SLC16A12: variants seen among roughly 807,000 people sequenced by gnomAD.
SLC16A12 encodes the protein solute carrier family 16 member 12, also known as monocarboxylate transporter 12.
Under a neutral mutation model 42.4 loss-of-function variants are expected in SLC16A12, and 17 were observed. The observed-to-expected ratio is 0.40, with a 90% confidence interval of 0.27 to 0.60. The LOEUF is 0.60. Among genes scored for constraint, SLC16A12 ranks in the 20% least tolerant of loss-of-function variants. The pLI, the probability that SLC16A12 is intolerant of heterozygous loss-of-function variation, is 0.42. For synonymous variants in SLC16A12, 224 were observed against 229.4 expected, an observed-to-expected ratio of 0.98 and a Z score of 0.21; for missense variants, 544 against 623.0, an observed-to-expected ratio of 0.87 and a Z score of 1.35.
At chr10:89,554,065 AAAG>A (rs1843788814) in intron 2 of SLC16A12, among the ~76,000 whole-genome samples, 1 of 104,244 alleles carries the variant, frequency 9.6e-6, no homozygotes, top group Non-Finnish European at 2.0e-5. Context: ...AGAAAGAAAG[AAAG>A]AAAGAAAGAA....
At chr10:89,537,028 G>C (rs1418943460), upstream of SLC16A12, among the ~76,000 whole-genome samples, 1 of 151,778 alleles carries the variant, frequency 6.6e-6, no homozygotes, top group Non-Finnish European at 1.5e-5. Context: ...TGGTAGAGAC[G>C]GGATTTCACC....
At chr10:89,502,405 G>A (rs140419314) in intron 2 of SLC16A12, among the ~76,000 whole-genome samples, 110 of 151,982 alleles carry the variant, frequency 7.2e-4, no homozygotes, top group African/African-American at 2.4e-3. Flanking sequence ...AGCCAAGATC[G>A]TGCCATTGCA....
upstream of SLC16A12, among the ~76,000 whole-genome samples, chr10:89,538,115 A>G (rs1843692380): frequency 6.6e-6 from 1 of 152,254 alleles, no homozygotes; most frequent in Non-Finnish European, 1.5e-5. Flanking sequence ...GGAGATGCAC[A>G]AAGCAAAACA....
chr10:89,451,014 T>C (rs1157080263), intron 3 of SLC16A12, among the ~76,000 whole-genome samples: 1 of 152,180 alleles, frequency 6.6e-6, no homozygotes, highest in Non-Finnish European at 1.5e-5. Context: ...AAGCAATAGT[T>C]TGCATCACTG....
rs531470379 is a variant in SLC16A12, at chr10:89,438,924, T to C, written c.708A>G (p.Pro236=). 5 of 1,614,224 alleles carry C rather than the reference T, an allele frequency of 3.1e-6. No homozygotes were observed. The East Asian group carries it at 6.7e-5, about 22-fold the overall frequency. The change falls in exon 6 of 8, where the codon CCA becomes CCG. Residue 236 remains proline, a synonymous_variant. Transcript: ENST00000371790. The part of the protein sequence containing the change: ...PITLKEDHTT[P]EQNHVCRTQK... ...GAGTTCTACACACATGGTTCTGCTC[T>C]GGAGTTGTGTGGTCCTCTTTAAGAG...
intron 2 of SLC16A12, among the ~76,000 whole-genome samples, chr10:89,512,987 T>C (rs1843188592): frequency 6.6e-6 from 1 of 152,178 alleles, no homozygotes; most frequent in Non-Finnish European, 1.5e-5. Context: ...GTGGTATCTG[T>C]AGAGAACTGG....
At chr10:89,507,816 AC>A (rs960312737) in intron 2 of SLC16A12, among the ~76,000 whole-genome samples, 43 of 152,308 alleles carry the variant, frequency 2.8e-4, no homozygotes, top group African/African-American at 9.1e-4. Context: ...CCATCAGTGC[AC>A]TGTATTCAGG....
chr10:89,546,118 G>A (rs1843741621), intron 2 of SLC16A12, among the ~76,000 whole-genome samples: 1 of 150,782 alleles, frequency 6.6e-6, no homozygotes. Context: ...TACCATTCAG[G>A]ACACAGGCAT....
In SLC16A12 at chr10:89,517,847, A is replaced by C. The variant is rs141343412; in HGVS notation, c.-47+16654T>G. ...CAGTCCTAGAATAACATACATTGTGAGTTATCCCCCTATTACAACTTTTCA... is the reference window on the plus strand; with the variant it reads ...CAGTCCTAGAATAACATACATTGTGCGTTATCCCCCTATTACAACTTTTCA... On this transcript the variant is annotated intron_variant, in intron 2 of 7. Coordinates refer to ENST00000371790, the MANE Select transcript of SLC16A12 (RefSeq NM_213606.4). 5.7e-4 allele frequency among the ~76,000 whole-genome samples: 87 copies of C among 152,308 alleles called. 1 individual carries two copies. The highest frequency in any genetic ancestry group is 2.0e-3 in the African/African-American group (84 of 41,562).
chr10:89,482,118 A>C (rs1217390425), intron 2 of SLC16A12, among the ~76,000 whole-genome samples: 2 of 152,132 alleles, frequency 1.3e-5, no homozygotes, highest in Non-Finnish European at 2.9e-5. Context: ...AAGATTGAAA[A>C]GTACAATTTA....
chr10:89,555,375 T>G (rs550357798), intron 2 of SLC16A12, among the ~76,000 whole-genome samples: 65 of 151,546 alleles, frequency 4.3e-4, no homozygotes, highest in Middle Eastern at 3.4e-3. Context: ...TTGGTTTAAA[T>G]GTTTTGTTGT....
intron 2 of SLC16A12, among the ~76,000 whole-genome samples, chr10:89,481,658 T>TGAGAGA (rs200446747): frequency 2.0e-4 from 28 of 141,588 alleles, no homozygotes; most frequent in African/African-American, 7.3e-4. Context: ...TGTGTGTGTG[T>TGAGAGA]GTGTGTGAGA....
intron 6 of SLC16A12, among the ~76,000 whole-genome samples, chr10:89,437,006 C>G (rs1437803916): frequency 6.6e-6 from 1 of 152,108 alleles, no homozygotes; most frequent in Non-Finnish European, 1.5e-5. Context: ...CACAGGCAGC[C>G]CATGTGCCAC....
At chr10:89,530,628 C>T (rs552176097) in intron 2 of SLC16A12, among the ~76,000 whole-genome samples, 1 of 152,168 alleles carries the variant, frequency 6.6e-6, no homozygotes, top group Admixed American at 6.5e-5. Flanking sequence ...ACCGTGTTAG[C>T]CAGGATGCTC....
In SLC16A12 at chr10:89,498,609, G is replaced by A. The variant is rs897454849; in HGVS notation, c.-47+35892C>T. ...CAGAGAGTTTTTGCAGCTCCGACTC[G>A]GGCAGACAGAACAGCTTGAGGAGAC... On this transcript the variant is annotated intron_variant, in intron 2 of 7. Transcript: ENST00000371790. Among the ~76,000 whole-genome samples the A allele has an allele frequency of 3.3e-5, 5 of 152,184 alleles. No homozygotes were observed. The South Asian group carries it at 6.2e-4, about 19-fold the overall frequency.
chr10:89,544,485 A>T (rs1024278236), intron 2 of SLC16A12, among the ~76,000 whole-genome samples: 1 of 152,184 alleles, frequency 6.6e-6, no homozygotes. Context: ...TTTATTCAAA[A>T]TCTTTTCAAA....
intron 2 of SLC16A12, among the ~76,000 whole-genome samples, chr10:89,504,856 C>T (rs1843035978): frequency 6.6e-6 from 1 of 152,160 alleles, no homozygotes; most frequent in African/African-American, 2.4e-5. Context: ...TCTGGTTCTG[C>T]TTCACTGGGC....
upstream of SLC16A12, among the ~76,000 whole-genome samples, chr10:89,539,358 C>G (rs933598460): frequency 2.7e-5 from 4 of 149,232 alleles, no homozygotes; most frequent in Non-Finnish European, 3.0e-5. Flanking sequence ...GAATTGAGTA[C>G]TATTTGTACT....
rs548223194 is a variant in SLC16A12 at position 89,446,664 on chromosome 10, G to A, written c.201-2805C>T. On this transcript the variant is annotated intron_variant, in intron 3 of 7. Transcript: ENST00000371790. ...AGCCACTGCAAAAACATGCCAAATT[G>A]TAAAGACCATCGATGCTAGGAAGAA... is the stretch of plus-strand genomic sequence containing the variant. Among the ~76,000 whole-genome samples the A allele has an allele frequency of 1.4e-4, 22 of 152,328 alleles. No individual in the cohort carries two copies. The East Asian group carries it at 4.2e-3, about 29-fold the overall frequency.
Sources: gnomAD v4.1 joint callset for allele counts (sites outside exome capture counted in the v4.1 genomes callset) on GRCh38, gnomAD v4.1.1 for gene constraint, MANE v1.5 for transcripts, NCBI Gene and HGNC (gene_info 2026-07-23, HGNC 2026-07-21) for gene names.